GPC6: variants seen among roughly 807,000 people sequenced by gnomAD.
GPC6 encodes glypican-6.
In GPC6, 14 loss-of-function variants were observed where a neutral mutation model predicts 55.2. The ratio of observed to expected loss-of-function variants is 0.25; its 90% confidence interval spans 0.17 to 0.40. GPC6 has a LOEUF of 0.40. Among genes scored for constraint, GPC6 ranks in the 10% least tolerant of loss-of-function variants. GPC6 has a pLI of 1.00. For synonymous variants in GPC6, 278 were observed against 259.6 expected, an observed-to-expected ratio of 1.07 and a Z score of -0.68; for missense variants, 641 against 708.5, an observed-to-expected ratio of 0.90 and a Z score of 1.08.
chr13:94,123,953 T>C (rs567866295), intron 4 of GPC6, among the ~76,000 whole-genome samples: 1 of 152,168 alleles, frequency 6.6e-6, no homozygotes, highest in African/African-American at 2.4e-5. Context: ...GATGTGCTAA[T>C]ACTAAATAGA....
intron 1 of GPC6, among the ~76,000 whole-genome samples, chr13:93,278,333 G>A (rs73554207): frequency 0.033 from 5,070 of 152,078 alleles, 272 homozygotes; most frequent in African/African-American, 0.11. Context: ...TGTACAGTTC[G>A]ATACTATTAG....
intron 1 of GPC6, among the ~76,000 whole-genome samples, chr13:93,364,714 TAC>T (rs893605815): frequency 9.0e-4 from 136 of 151,110 alleles, no homozygotes; most frequent in African/African-American, 3.2e-3. Flanking sequence ...CACATATATA[TAC>T]ACACACATAT....
chr13:93,806,175 G>A (rs961081947), intron 2 of GPC6, among the ~76,000 whole-genome samples: 6 of 152,110 alleles, frequency 3.9e-5, no homozygotes, highest in African/African-American at 1.4e-4. Flanking sequence ...GAAAATAACC[G>A]GGAATGGAGG....
intron 2 of GPC6, among the ~76,000 whole-genome samples, chr13:93,786,032 A>G (rs188733175): frequency 6.6e-6 from 1 of 152,332 alleles, no homozygotes; most frequent in Non-Finnish European, 1.5e-5. Context: ...CTGTTAACAT[A>G]CATTAAAATG....
chr13:93,672,698 C>T (rs1259273978), intron 2 of GPC6, among the ~76,000 whole-genome samples: 3 of 150,160 alleles, frequency 2.0e-5, no homozygotes, highest in Non-Finnish European at 4.4e-5. Flanking sequence ...TATATATAAT[C>T]TCAGTGTTCA....
chr13:94,059,128 A>T (rs1884234663), intron 4 of GPC6, among the ~76,000 whole-genome samples: 1 of 152,066 alleles, frequency 6.6e-6, no homozygotes, highest in Non-Finnish European at 1.5e-5. Flanking sequence ...CTTAACTTTG[A>T]AGGCTTAGCT....
chr13:93,884,771 A>T (rs770715803), intron 3 of GPC6, among the ~76,000 whole-genome samples: 10 of 152,104 alleles, frequency 6.6e-5, no homozygotes, highest in Non-Finnish European at 1.2e-4. Flanking sequence ...TGCTAAATTA[A>T]CTTGAACAAC....
intron 4 of GPC6, among the ~76,000 whole-genome samples, chr13:94,282,405 TCATGAGAACAG>T (rs1566630764): frequency 2.0e-5 from 3 of 152,162 alleles, no homozygotes; most frequent in South Asian, 2.1e-4. Context: ...TCACTCACTG[TCATGAGAACAG>T]CATGAGAACA....
intron 1 of GPC6, among the ~76,000 whole-genome samples, chr13:93,310,851 G>C (rs1413822962): frequency 6.6e-6 from 1 of 152,098 alleles, no homozygotes; most frequent in Non-Finnish European, 1.5e-5. Flanking sequence ...CATCATATCT[G>C]TCTTCTCATC....
At chr13:93,293,838 A>G (rs1328722109) in intron 1 of GPC6, among the ~76,000 whole-genome samples, 1 of 152,180 alleles carries the variant, frequency 6.6e-6, no homozygotes, top group Non-Finnish European at 1.5e-5. Context: ...TTTCAGCTTC[A>G]TTTCCTTCTA....
At chr13:94,015,530 T>C (rs1882429314) in intron 3 of GPC6, among the ~76,000 whole-genome samples, 1 of 152,238 alleles carries the variant, frequency 6.6e-6, no homozygotes, top group African/African-American at 2.4e-5. Flanking sequence ...TTATGCATTT[T>C]TATGAAGTCC....
At chr13:93,502,936 T>G (rs1880575729) in intron 1 of GPC6, among the ~76,000 whole-genome samples, 1 of 152,116 alleles carries the variant, frequency 6.6e-6, no homozygotes, top group South Asian at 2.1e-4. Context: ...AATAATAAAA[T>G]GTACTAAAAT....
chr13:93,346,696 A>C (rs1383161463), intron 1 of GPC6, among the ~76,000 whole-genome samples: 1 of 152,180 alleles, frequency 6.6e-6, no homozygotes, highest in Non-Finnish European at 1.5e-5. Context: ...AAGAAGTGAG[A>C]AAAAAGGACA....
At chr13:93,672,660 T>C (rs1015764063) in intron 2 of GPC6, among the ~76,000 whole-genome samples, 13 of 150,766 alleles carry the variant, frequency 8.6e-5, no homozygotes, top group African/African-American at 2.9e-4. Context: ...ATATATGCCA[T>C]ATATATATAC....
At chr13:93,643,250 T>C (rs1387457210) in intron 2 of GPC6, among the ~76,000 whole-genome samples, 2 of 152,150 alleles carry the variant, frequency 1.3e-5, no homozygotes, top group African/African-American at 4.8e-5. Context: ...ATTCATGATT[T>C]AACAGACTTC....
chr13:93,416,731 C>T (rs1258449753), intron 1 of GPC6, among the ~76,000 whole-genome samples: 3 of 152,036 alleles, frequency 2.0e-5, no homozygotes, highest in Non-Finnish European at 4.4e-5. Context: ...GGTAACCATC[C>T]TTCTACTCTC....
chr13:93,963,319 C>T (rs1277601227), intron 3 of GPC6, among the ~76,000 whole-genome samples: 1 of 151,970 alleles, frequency 6.6e-6, no homozygotes, highest in Non-Finnish European at 1.5e-5. Flanking sequence ...CAAATAAACT[C>T]TTTTACTCAT....
chr13:93,706,578 G>A (rs1025818642), intron 2 of GPC6, among the ~76,000 whole-genome samples: 6 of 151,844 alleles, frequency 4.0e-5, no homozygotes, highest in Admixed American at 6.6e-5. Context: ...GAGAGAAAAC[G>A]TAGCTGTAAT....
At chr13:93,698,386 G>A (rs766206708) in intron 2 of GPC6, among the ~76,000 whole-genome samples, 16 of 151,072 alleles carry the variant, frequency 1.1e-4, no homozygotes, top group Non-Finnish European at 5.9e-5. Flanking sequence ...TTAATTCTAC[G>A]CTCTATGCCT....
Sources: allele counts gnomAD v4.1 joint callset (sites outside exome capture counted in the v4.1 genomes callset), GRCh38; gene constraint gnomAD v4.1.1; transcripts MANE v1.5; gene names NCBI Gene and HGNC (gene_info 2026-07-23, HGNC 2026-07-21).